Variants in EEF2K observed in about 807,000 individuals in gnomAD.
The protein encoded by EEF2K is eukaryotic elongation factor 2 kinase, also known as alternative protein EEF2K.
EEF2K carries 70 observed loss-of-function variants against 93.8 expected under a neutral mutation model. The ratio of observed to expected loss-of-function variants is 0.75; its 90% confidence interval spans 0.62 to 0.91. The LOEUF (loss-of-function observed/expected upper bound fraction) is 0.91. Among genes scored for constraint, EEF2K ranks in the 40% least tolerant of loss-of-function variants. The probability of loss-of-function intolerance (pLI) is 0.00; values close to 1 mark genes in which losing one functional copy is unlikely to be tolerated. For missense variants in EEF2K, 935 were observed against 972.9 expected, an observed-to-expected ratio of 0.96 and a Z score of 0.52; for synonymous variants, 376 against 380.8, an observed-to-expected ratio of 0.99 and a Z score of 0.15.
chr16:22,236,961 T>C (rs2047174016), intron 2 of EEF2K, among the ~76,000 whole-genome samples: 2 of 127,342 alleles, frequency 1.6e-5, no homozygotes, highest in Admixed American at 1.8e-4. Context: ...TTTTTTTTTT[T>C]TGAGACAGAG....
Position 22,249,984 on chromosome 16 carries a change from A to G in EEF2K, c.409-670A>G, listed in dbSNP as rs577180390. 1.1e-3 allele frequency among the ~76,000 whole-genome samples: 174 copies of G among 151,598 alleles called. 2 individuals are homozygous for G. In the Middle Eastern group the frequency reaches 0.02, roughly 18 times the overall value. ...TTTAGTAGAGACAGGGTTTCTCCATATTTGTCAGGCTGGTCTCGAACTCCC... is the reference window on the plus strand; with the variant it reads ...TTTAGTAGAGACAGGGTTTCTCCATGTTTGTCAGGCTGGTCTCGAACTCCC... On this transcript the variant is annotated intron_variant, in intron 4 of 17. Coordinates refer to ENST00000263026, the MANE Select transcript of EEF2K (RefSeq NM_013302.5).
At chr16:22,268,066 G>GGGT (rs368598020) in intron 15 of EEF2K, among the ~76,000 whole-genome samples, 15 of 152,240 alleles carry the variant, frequency 9.9e-5, no homozygotes, top group African/African-American at 3.4e-4. Flanking sequence ...GTGGCCCAGT[G>GGGT]GGTGAATGGA....
intron 17 of EEF2K, among the ~76,000 whole-genome samples, chr16:22,283,046 C>T (rs534728285): frequency 1.5e-4 from 23 of 152,160 alleles, no homozygotes; most frequent in African/African-American, 5.1e-4. Flanking sequence ...CAGTGGCTCG[C>T]GCCTGTAATC....
chr16:22,266,221 C>CA (rs371101977), intron 13 of EEF2K, among the ~76,000 whole-genome samples, 169 bp from the exon 14 acceptor site: 7,635 of 122,826 alleles, frequency 0.062, 210 homozygotes, highest in Non-Finnish European at 0.084. Flanking sequence ...GACTCTGTCT[C>CA]AAAAAAAAAA....
In EEF2K at chr16:22,251,295, G is replaced by T. The variant is rs756522929; in HGVS notation, c.591G>T (p.Glu197Asp). 2.8e-5 allele frequency: 45 copies of T among 1,614,096 alleles called. No homozygotes were observed. The highest frequency in any genetic ancestry group is 3.8e-5 in the Non-Finnish European group (45 of 1,179,972). ...LQMEAKLWGEEYNRHKPPKQV... is the reference protein window; with the variant it reads ...LQMEAKLWGEDYNRHKPPKQV... ...TGGAGGCCAAGCTCTGGGGGGAGGA[G>T]TATAATCGGCACAAGCCCCCCAAGC... Residue 197 changes from glutamate (E) to aspartate (D), a missense_variant, in exon 6 of 18, where the codon GAG (glutamate) becomes GAT (aspartate). Physicochemically the swap from Glu to Asp is conservative, Grantham distance 45. Coordinates refer to ENST00000263026, the MANE Select transcript of EEF2K (RefSeq NM_013302.5).
chr16:22,248,896 T>C, intron 4 of EEF2K, 81 bp downstream of exon 4: 1 of 1,344,322 alleles, frequency 7.4e-7, no homozygotes, highest in Non-Finnish European at 1.0e-6. Context: ...CACCCTTCTC[T>C]CCCACTCCCA....
At chr16:22,264,016 G>A (rs942071471) in intron 12 of EEF2K, among the ~76,000 whole-genome samples, 5 of 152,092 alleles carry the variant, frequency 3.3e-5, no homozygotes, top group Admixed American at 6.5e-5. Flanking sequence ...CATGCTGGCC[G>A]GGCGTGGTGG....
intron 6 of EEF2K, among the ~76,000 whole-genome samples, chr16:22,252,762 G>A (rs143769244): frequency 6.6e-6 from 1 of 152,210 alleles, no homozygotes; most frequent in Non-Finnish European, 1.5e-5. Context: ...GTTCCATGTG[G>A]CTGGGGAGGC....
Position 22,264,891 on chromosome 16 carries a change from C to T in EEF2K, c.1440+11C>T. 1 of 1,613,946 alleles carries T rather than the reference C, an allele frequency of 6.2e-7. No individual in the cohort carries two copies. Among genetic ancestry groups the T allele is most frequent in the Non-Finnish European group, 8.5e-7 (1 of 1,179,910 alleles). ...GGCAGCTCTGGACGGGTAATGCGCC[C>T]TGAGGCACCCTTGTCTCTGCCTCTT... On this transcript the variant is annotated intron_variant, in intron 13 of 17. Coordinates refer to ENST00000263026, the MANE Select transcript of EEF2K (RefSeq NM_013302.5).
At chr16:22,279,865 G>A (rs1469670616) in intron 16 of EEF2K, among the ~76,000 whole-genome samples, 7 of 152,198 alleles carry the variant, frequency 4.6e-5, no homozygotes, top group South Asian at 2.1e-4. Flanking sequence ...GTGTGGTGGC[G>A]TGCACCTGTA....
At chr16:22,244,872 T>C (rs4783451) in intron 3 of EEF2K, 142 bp downstream of exon 3, 52,549 of 800,974 alleles carry the variant, frequency 0.066, 2,375 homozygotes, top group East Asian at 0.17. Flanking sequence ...TGCTAATGCG[T>C]GCTTAAGGCC....
intron 6 of EEF2K, among the ~76,000 whole-genome samples, chr16:22,254,205 G>T (rs1234996055): frequency 2.6e-5 from 4 of 152,160 alleles, no homozygotes; most frequent in Non-Finnish European, 5.9e-5. Flanking sequence ...GGTGCTGGTT[G>T]TCCACTGTGG....
chr16:22,227,919 A>G (rs2047078646), intron 2 of EEF2K, among the ~76,000 whole-genome samples: 1 of 151,456 alleles, frequency 6.6e-6, no homozygotes, highest in Non-Finnish European at 1.5e-5. Context: ...CAACATAGGA[A>G]CACCCCATCT....
At chr16:22,226,396 A>T (rs1483238356) in intron 2 of EEF2K, among the ~76,000 whole-genome samples, 2 of 141,834 alleles carry the variant, frequency 1.4e-5, no homozygotes, top group Non-Finnish European at 3.0e-5. Context: ...ATTGGGGAAC[A>T]TTGCAAACTG....
Position 22,264,906 on chromosome 16 carries a change from C to T in EEF2K, c.1440+26C>T, listed in dbSNP as rs760635082. On this transcript the variant is annotated intron_variant, in intron 13 of 17. Transcript: ENST00000263026. ...GTAATGCGCCCTGAGGCACCCTTGT[C>T]TCTGCCTCTTCCCTGTCTCCTCCAG... The T allele has an allele frequency of 4.3e-6, 7 of 1,613,508 alleles. No individual in the cohort carries two copies. The Admixed American group carries it at 5.0e-5, about 12-fold the overall frequency.
rs376210463 is a variant in EEF2K at position 22,256,891 on chromosome 16, G to A, written c.762G>A (p.Thr254=). The part of the protein sequence containing the change: ...GFVRDDNIRL[T]PQAFSHFTFE... ...TCCGCGATGACAACATCCGCCTGAC[G>A]CCGCAGGTGAGGCCGAGCTCACCTC... The change falls in exon 7 of 18, where the codon ACG becomes ACA. Residue 254 remains threonine, a synonymous_variant. Coordinates refer to ENST00000263026, the MANE Select transcript of EEF2K (RefSeq NM_013302.5). 3.5e-5 allele frequency: 56 copies of A among 1,613,874 alleles called. No homozygotes were observed. The South Asian group carries it at 3.6e-4, about 10-fold the overall frequency.
chr16:22,234,351 G>A (rs879802812), intron 2 of EEF2K, among the ~76,000 whole-genome samples: 1 of 152,170 alleles, frequency 6.6e-6, no homozygotes, highest in Non-Finnish European at 1.5e-5. Flanking sequence ...GAGGTCAGGA[G>A]TTGGAGACCA....
At chr16:22,226,433 G>A (rs1036548325) in intron 2 of EEF2K, among the ~76,000 whole-genome samples, 1 of 139,700 alleles carries the variant, frequency 7.2e-6, no homozygotes, top group African/African-American at 2.7e-5. Flanking sequence ...TTGTAAAAAC[G>A]TTTATTTATT....
In EEF2K at chr16:22,257,401, C is replaced by T; in HGVS notation, c.901+16C>T. 6.2e-7 allele frequency: 1 copy of T among 1,611,138 alleles called. No individual in the cohort carries two copies. On this transcript the variant is annotated intron_variant, in intron 8 of 17. Coordinates refer to ENST00000263026, the MANE Select transcript of EEF2K (RefSeq NM_013302.5). ...GGCAACCTAGGTACGTGGGGAAAGCCAGCCTGTTTCTGCAGAAACCACGCT... is the reference window on the plus strand; with the variant it reads ...GGCAACCTAGGTACGTGGGGAAAGCTAGCCTGTTTCTGCAGAAACCACGCT...
Sources: gnomAD v4.1 joint callset for allele counts (sites outside exome capture counted in the v4.1 genomes callset) on GRCh38, gnomAD v4.1.1 for gene constraint, MANE v1.5 for transcripts, NCBI Gene and HGNC (gene_info 2026-07-23, HGNC 2026-07-21) for gene names.